The following CTNNA2 variants were observed in gnomAD, a reference collection of about 807,000 sequenced individuals.
CTNNA2 encodes the protein catenin alpha 2.
A neutral mutation model predicts 101.0 loss-of-function variants in CTNNA2; 42 were observed. That is an observed-to-expected ratio of 0.42 (90% CI 0.32 to 0.54). The LOEUF is 0.54. Ranked by LOEUF, CTNNA2 falls within the 20% of genes least tolerant of loss-of-function variation. The pLI is 0.14. For missense variants in CTNNA2, 871 were observed against 1,223.1 expected (o/e 0.71, Z 4.29); for synonymous variants, 450 against 456.4 (o/e 0.99, Z 0.18).
At chr2:80,291,471 G>A (rs1321120056) in intron 7 of CTNNA2, among the ~76,000 whole-genome samples, 1 of 152,172 alleles carries the variant, frequency 6.6e-6, no homozygotes, top group Non-Finnish European at 1.5e-5. Flanking sequence ...CCAGAAGAAA[G>A]GGTCAACCTC....
intron 2 of CTNNA2, among the ~76,000 whole-genome samples, chr2:79,702,444 T>A (rs1394632780): frequency 6.6e-6 from 1 of 152,136 alleles, no homozygotes; most frequent in Non-Finnish European, 1.5e-5. Flanking sequence ...AGATTTGCTG[T>A]CTGGCCTTTT....
At chr2:79,853,957 C>T (rs192328999) in intron 3 of CTNNA2, among the ~76,000 whole-genome samples, 25 of 152,132 alleles carry the variant, frequency 1.6e-4, no homozygotes, top group Admixed American at 1.0e-3. Context: ...TGTGAGCCAC[C>T]GCGCCCAGCC....
At chr2:79,527,607 C>T (rs1010686518) in intron 1 of CTNNA2, among the ~76,000 whole-genome samples, 16 of 150,102 alleles carry the variant, frequency 1.1e-4, no homozygotes, top group African/African-American at 3.4e-4. Context: ...ATGGCGCCAT[C>T]TGAGACTTTG....
At chr2:80,569,645 T>A (rs1300778566) in intron 12 of CTNNA2, among the ~76,000 whole-genome samples, 2 of 101,344 alleles carry the variant, frequency 2.0e-5, no homozygotes, top group African/African-American at 7.0e-5. Flanking sequence ...TTTTTTTTTT[T>A]TTTTTTTTTT....
chr2:80,427,518 AT>A (rs1309814070), intron 9 of CTNNA2, among the ~76,000 whole-genome samples: 1 of 152,198 alleles, frequency 6.6e-6, no homozygotes, highest in Non-Finnish European at 1.5e-5. Flanking sequence ...AGCTGGCTCT[AT>A]CTGACAAAGT....
At position 80,498,428 on chromosome 2, in the gene CTNNA2, A is replaced by G. The variant is rs530296316; in HGVS notation, c.1291-46554A>G. ...TTCTTAAGGCCAATTGCAATCTCCT[A>G]TGTATTTCCCTACCAAAGAATACCT... On this transcript the variant is annotated intron_variant, in intron 9 of 18. Coordinates refer to ENST00000402739, the MANE Select transcript of CTNNA2 (RefSeq NM_001282597.3). 4.3e-4 allele frequency among the ~76,000 whole-genome samples: 65 copies of G among 152,326 alleles called. No homozygotes were observed. In the South Asian group the frequency reaches 0.013, roughly 30 times the overall value.
intron 8 of CTNNA2, among the ~76,000 whole-genome samples, chr2:80,403,724 A>G (rs1337266541): frequency 1.3e-5 from 2 of 152,202 alleles, no homozygotes; most frequent in Non-Finnish European, 2.9e-5. Flanking sequence ...CCCATTTAGT[A>G]TGATATTGGC....
Position 80,286,691 on chromosome 2 carries a change from C to G in CTNNA2, c.1057-106520C>G, listed in dbSNP as rs564374650. On this transcript the variant is annotated intron_variant, in intron 7 of 18. Transcript: ENST00000402739. Reference sequence around the variant, plus strand: ...ACCTAACTAGACACAGTGTATAGTCCACCTTCTTCATCAAGCCCTACGAAA... The same window carrying G: ...ACCTAACTAGACACAGTGTATAGTCGACCTTCTTCATCAAGCCCTACGAAA... 3.3e-5 allele frequency among the ~76,000 whole-genome samples: 5 copies of G among 152,212 alleles called. No individual in the cohort carries two copies. In the South Asian group the frequency reaches 1.0e-3, roughly 32 times the overall value.
chr2:80,007,680 A>T lies in CTNNA2; in HGVS notation c.1056+97883A>T, dbSNP rs927055454. Among the ~76,000 whole-genome samples, 6 of 152,284 alleles carry T rather than the reference A, an allele frequency of 3.9e-5. No individual in the cohort carries two copies. The South Asian group carries it at 8.3e-4, about 21-fold the overall frequency. Reference sequence around the variant, plus strand: ...CCTTATATCTGTATCAGCTTTCTTTAACAGTTCTCATTAGAGATCAGATTT... The same window carrying T: ...CCTTATATCTGTATCAGCTTTCTTTTACAGTTCTCATTAGAGATCAGATTT... On this transcript the variant is annotated intron_variant, in intron 7 of 18. Coordinates refer to ENST00000402739, the MANE Select transcript of CTNNA2 (RefSeq NM_001282597.3).
chr2:79,806,417 A>T (rs758519455), intron 3 of CTNNA2, among the ~76,000 whole-genome samples: 2 of 152,164 alleles, frequency 1.3e-5, no homozygotes, highest in Non-Finnish European at 2.9e-5. Flanking sequence ...CTACAGTGTT[A>T]TGAATAAAAT....
At chr2:79,481,963 C>A (rs1558678008) in intron 4 of CTNNA2, among the ~76,000 whole-genome samples, 1 of 152,060 alleles carries the variant, frequency 6.6e-6, no homozygotes, top group Admixed American at 6.6e-5. Context: ...AAAGAGAAAT[C>A]TTAAACTCAT....
At chr2:80,589,571 AAAATT>A in intron 15 of CTNNA2, 86 bp downstream of exon 15, 1 of 1,298,026 alleles carries the variant, frequency 7.7e-7, no homozygotes. Context: ...AGCCTGCTGA[AAAATT>A]AAAATATACC....
At chr2:79,314,949 CAAAGG>C (rs974716967) in intron 3 of CTNNA2, among the ~76,000 whole-genome samples, 18 of 152,126 alleles carry the variant, frequency 1.2e-4, no homozygotes, top group Non-Finnish European at 2.5e-4. Context: ...ATAATAGGCT[CAAAGG>C]CACATTTTGG....
intron 12 of CTNNA2, among the ~76,000 whole-genome samples, chr2:80,561,719 A>G (rs951245239): frequency 2.0e-5 from 3 of 152,026 alleles, no homozygotes; most frequent in African/African-American, 4.8e-5. Flanking sequence ...CTGGAGTGCA[A>G]TGGCAGTCTC....
At chr2:79,415,606 G>A (rs976418489) in intron 4 of CTNNA2, among the ~76,000 whole-genome samples, 3 of 151,936 alleles carry the variant, frequency 2.0e-5, no homozygotes, top group Non-Finnish European at 4.4e-5. Flanking sequence ...AATACTATGT[G>A]GGAAAATGCT....
chr2:80,364,118 G>A (rs2149321740), intron 7 of CTNNA2, among the ~76,000 whole-genome samples: 1 of 152,208 alleles, frequency 6.6e-6, no homozygotes, highest in Non-Finnish European at 1.5e-5. Context: ...GTAAGTGGGT[G>A]GTTTCCTTCC....
intron 3 of CTNNA2, among the ~76,000 whole-genome samples, chr2:79,751,902 T>A (rs890083164): frequency 1.3e-5 from 2 of 151,402 alleles, no homozygotes. Flanking sequence ...ATTGAGGAGG[T>A]GGTAATGGGA....
At chr2:79,227,258 C>A (rs895915960) in intron 2 of CTNNA2, among the ~76,000 whole-genome samples, 1 of 152,096 alleles carries the variant, frequency 6.6e-6, no homozygotes, top group Non-Finnish European at 1.5e-5. Context: ...ATGCAAACAT[C>A]ATGGGTCAAC....
At chr2:80,513,287 T>C (rs955946849) in intron 9 of CTNNA2, among the ~76,000 whole-genome samples, 1 of 152,214 alleles carries the variant, frequency 6.6e-6, no homozygotes, top group African/African-American at 2.4e-5. Flanking sequence ...CTTCCTTCAG[T>C]TTTTTCCTCC....
Sources: gnomAD v4.1 joint callset for allele counts (sites outside exome capture counted in the v4.1 genomes callset) on GRCh38, gnomAD v4.1.1 for gene constraint, MANE v1.5 for transcripts, NCBI Gene and HGNC (gene_info 2026-07-23, HGNC 2026-07-21) for gene names.